Variants in SMOC2 observed in about 807,000 individuals in gnomAD.
SMOC2 encodes SPARC-related modular calcium-binding protein 2.
Under a neutral mutation model 61.4 loss-of-function variants are expected in SMOC2, and 39 were observed. That is an observed-to-expected ratio of 0.64 (90% CI 0.49 to 0.83). The LOEUF (loss-of-function observed/expected upper bound fraction) is 0.83, where lower values mean the gene tolerates loss of function less well. Among genes scored for constraint, SMOC2 ranks in the 40% least tolerant of loss-of-function variants. The pLI is 0.00. For missense variants in SMOC2, 556 were observed against 592.9 expected, an observed-to-expected ratio of 0.94 and a Z score of 0.65; for synonymous variants, 247 against 239.9, an observed-to-expected ratio of 1.03 and a Z score of -0.27.
At chr6:168,562,376 A>G (rs1379638757) in intron 7 of SMOC2, among the ~76,000 whole-genome samples, 3 of 91,384 alleles carry the variant, frequency 3.3e-5, no homozygotes, top group East Asian at 3.0e-4. Context: ...GCCCTGAGAC[A>G]CAAGGCTCTC....
intron 9 of SMOC2, among the ~76,000 whole-genome samples, chr6:168,633,867 G>A (rs1006468599): frequency 2.6e-5 from 4 of 152,186 alleles, no homozygotes; most frequent in African/African-American, 9.7e-5. Context: ...TGTCGTGAGA[G>A]GGACCTGGTG....
At chr6:168,578,490 A>G (rs1784854945) in intron 7 of SMOC2, among the ~76,000 whole-genome samples, 1 of 152,218 alleles carries the variant, frequency 6.6e-6, no homozygotes, top group African/African-American at 2.4e-5. Flanking sequence ...TCATCTCTGA[A>G]TAATTTCAAG....
In SMOC2 at chr6:168,480,569, C is replaced by T. The variant is rs929810909; in HGVS notation, c.85-29346C>T. Reference sequence around the variant, plus strand: ...GACAGGAAAATGGAAATCACTGAGTCTGAGAAATATATTTTTTTTAATGGA... The same window carrying T: ...GACAGGAAAATGGAAATCACTGAGTTTGAGAAATATATTTTTTTTAATGGA... On this transcript the variant is annotated intron_variant, in intron 1 of 12. Coordinates refer to ENST00000356284, the MANE Select transcript of SMOC2 (RefSeq NM_001166412.2). 1.5e-4 allele frequency among the ~76,000 whole-genome samples: 23 copies of T among 151,740 alleles called. 1 individual carries two copies.
chr6:168,624,595 C>T (rs1786337103), intron 9 of SMOC2, among the ~76,000 whole-genome samples: 1 of 113,536 alleles, frequency 8.8e-6, no homozygotes, highest in Non-Finnish European at 1.9e-5. Flanking sequence ...TACACAGACA[C>T]AGATGTGCAC....
intron 1 of SMOC2, among the ~76,000 whole-genome samples, chr6:168,500,586 G>C (rs1256668645): frequency 6.6e-6 from 1 of 152,106 alleles, no homozygotes; most frequent in Admixed American, 6.5e-5. Flanking sequence ...CGGTGATTCT[G>C]TAGGGACCCC....
intron 7 of SMOC2, among the ~76,000 whole-genome samples, chr6:168,586,048 C>T (rs1301967686): frequency 6.6e-6 from 1 of 152,090 alleles, no homozygotes; most frequent in Non-Finnish European, 1.5e-5. Flanking sequence ...CTGCATCTGC[C>T]CTAGAGATCT....
intron 12 of SMOC2, chr6:168,664,983 C>G (rs986154724): frequency 6.0e-6 from 2 of 332,718 alleles, no homozygotes. Context: ...CAGCACACAC[C>G]TTGGATGTAA....
At chr6:168,477,630 G>A (rs1782118417) in intron 1 of SMOC2, among the ~76,000 whole-genome samples, 1 of 152,118 alleles carries the variant, frequency 6.6e-6, no homozygotes, top group Admixed American at 6.5e-5. Flanking sequence ...GATGAAGCAG[G>A]GTTGTTTCTT....
At chr6:168,610,718 A>G (rs1161025140) in intron 9 of SMOC2, among the ~76,000 whole-genome samples, 1 of 152,210 alleles carries the variant, frequency 6.6e-6, no homozygotes, top group Non-Finnish European at 1.5e-5. Flanking sequence ...GACAGTTAGC[A>G]GGTGTTTGGC....
chr6:168,588,674 G>A lies in SMOC2; in HGVS notation c.638-10144G>A, dbSNP rs561403875. 1.8e-4 allele frequency among the ~76,000 whole-genome samples: 28 copies of A among 152,276 alleles called. No individual in the cohort carries two copies. The Middle Eastern group carries it at 0.014, about 74-fold the overall frequency. ...GTTGGGGCTGAACTGAGACTTAACC[G>A]TATTTATTCTCTTCTTGTTTTATTT... On this transcript the variant is annotated intron_variant, in intron 7 of 12. Coordinates refer to ENST00000356284, the MANE Select transcript of SMOC2 (RefSeq NM_001166412.2).
intron 7 of SMOC2, among the ~76,000 whole-genome samples, chr6:168,588,048 G>C (rs1350994567): frequency 6.6e-6 from 1 of 151,656 alleles, no homozygotes; most frequent in Non-Finnish European, 1.5e-5. Context: ...TCATGTTCTG[G>C]TTCGTAAACG....
Position 168,652,988 on chromosome 6 carries a change from G to C in SMOC2, c.1045G>C (p.Glu349Gln). ...ACCCGACCCCAGCCATACCCTAGAG[G>C]AGCGGGTGGTGCACTGGTACTTCAA... ...SEPDPSHTLE[E>Q]RVVHWYFKLL... The change falls in exon 11 of 13, where the codon GAG becomes CAG. Residue 349 changes from glutamate (E) to glutamine (Q), a missense_variant. By Grantham distance (29) the Glu-to-Gln change is conservative. Coordinates refer to ENST00000356284, the MANE Select transcript of SMOC2 (RefSeq NM_001166412.2). 2.5e-6 allele frequency: 4 copies of C among 1,613,958 alleles called. No individual in the cohort carries two copies. Among genetic ancestry groups the C allele is most frequent in the Non-Finnish European group, 3.4e-6 (4 of 1,179,952 alleles).
chr6:168,617,241 C>T (rs925750517), intron 9 of SMOC2, among the ~76,000 whole-genome samples: 2 of 152,104 alleles, frequency 1.3e-5, no homozygotes, highest in South Asian at 2.1e-4. Flanking sequence ...TAAACAAAGG[C>T]GTTTTATTTT....
At chr6:168,503,889 C>T (rs1782798469) in intron 1 of SMOC2, among the ~76,000 whole-genome samples, 1 of 152,148 alleles carries the variant, frequency 6.6e-6, no homozygotes, top group Non-Finnish European at 1.5e-5. Flanking sequence ...GCTCGTTGGC[C>T]TCATCTGTGT....
At chr6:168,543,272 G>A (rs1783914005) in intron 4 of SMOC2, among the ~76,000 whole-genome samples, 1 of 152,140 alleles carries the variant, frequency 6.6e-6, no homozygotes, top group East Asian at 1.9e-4. Context: ...TTTTAAAAAC[G>A]TTTCCTTTTT....
At chr6:168,510,735 G>A (rs1290923392) in intron 2 of SMOC2, among the ~76,000 whole-genome samples, 1 of 152,218 alleles carries the variant, frequency 6.6e-6, no homozygotes, top group East Asian at 1.9e-4. Context: ...CAAAACAGCA[G>A]CCACACTGCA....
intron 9 of SMOC2, among the ~76,000 whole-genome samples, chr6:168,631,057 C>T (rs1424802984): frequency 1.4e-5 from 2 of 147,404 alleles, no homozygotes; most frequent in Admixed American, 6.7e-5. Flanking sequence ...CTGTTAAGTA[C>T]TTGATGTCTG....
In SMOC2 at chr6:168,607,298, C is replaced by T. The variant is rs180864012; in HGVS notation, c.825-859C>T. Among the ~76,000 whole-genome samples the T allele has an allele frequency of 2.1e-3, 323 of 152,272 alleles. 1 individual carries two copies. The highest frequency in any genetic ancestry group is 6.8e-3 in the Middle Eastern group (2 of 294). On this transcript the variant is annotated intron_variant, in intron 8 of 12. Coordinates refer to ENST00000356284, the MANE Select transcript of SMOC2 (RefSeq NM_001166412.2). Reference sequence around the variant, plus strand: ...GCGTGGCAGGGGTCTCCTCCTTGCCCTACACCCAGGACAAGGATAAAACCC... The same window carrying T: ...GCGTGGCAGGGGTCTCCTCCTTGCCTTACACCCAGGACAAGGATAAAACCC...
intron 8 of SMOC2, among the ~76,000 whole-genome samples, chr6:168,601,101 G>A (rs1785541845): frequency 6.6e-6 from 1 of 152,240 alleles, no homozygotes. Context: ...TGAGCATTTG[G>A]ACGCTTCCTA....
Sources: allele counts gnomAD v4.1 joint callset (sites outside exome capture counted in the v4.1 genomes callset), GRCh38; gene constraint gnomAD v4.1.1; transcripts MANE v1.5; gene names NCBI Gene and HGNC (gene_info 2026-07-23, HGNC 2026-07-21).